Variants in ANKRD55 observed in about 807,000 individuals in gnomAD.
ANKRD55 encodes ankyrin repeat domain 55, also known as ankyrin repeat domain-containing protein 55.
ANKRD55 carries 41 observed loss-of-function variants against 60.6 expected under a neutral mutation model. The ratio of observed to expected loss-of-function variants is 0.68; its 90% CI spans 0.53 to 0.88. The LOEUF is 0.88. Ranked by LOEUF, ANKRD55 falls within the 40% of genes least tolerant of loss-of-function variation. The probability of loss-of-function intolerance (pLI) is 0.00; values close to 1 mark genes in which losing one functional copy is unlikely to be tolerated. For missense variants in ANKRD55, 732 were observed against 767.6 expected, an observed-to-expected ratio of 0.95 and a Z score of 0.55; for synonymous variants, 264 against 290.3, an observed-to-expected ratio of 0.91 and a Z score of 0.92.
chr5:56,205,485 G>A (rs573618765), intron 2 of ANKRD55, among the ~76,000 whole-genome samples: 11 of 152,330 alleles, frequency 7.2e-5, no homozygotes, highest in South Asian at 2.1e-4. Flanking sequence ...AAGCTAGTGC[G>A]CTCCTTATCA....
At chr5:56,232,109 G>T (rs1760272068) in intron 2 of ANKRD55, among the ~76,000 whole-genome samples, 1 of 152,090 alleles carries the variant, frequency 6.6e-6, no homozygotes, top group Non-Finnish European at 1.5e-5. Context: ...ACTAAAAAAA[G>T]ATTTACTATT....
intron 7 of ANKRD55, chr5:56,127,316 G>A: frequency 1.0e-6 from 1 of 985,356 alleles, no homozygotes; most frequent in Non-Finnish European, 1.2e-6. Flanking sequence ...TCACTGCAGA[G>A]ATTTTTGTCT....
intron 8 of ANKRD55, 62 bp from the exon 9 acceptor site, chr5:56,116,844 G>A: frequency 2.1e-6 from 3 of 1,434,734 alleles, no homozygotes; most frequent in Non-Finnish European, 2.8e-6. Flanking sequence ...AGGCTGCTTA[G>A]CCAGCAACAG....
intron 6 of ANKRD55, 39 bp from the exon 7 acceptor site, chr5:56,143,968 G>A (rs1229495406): frequency 7.4e-6 from 12 of 1,611,344 alleles, no homozygotes; most frequent in Non-Finnish European, 1.0e-5. Flanking sequence ...GATGAGCACA[G>A]GCTCCCAGGA....
chr5:56,217,038 G>C (rs1196549058), intron 2 of ANKRD55, among the ~76,000 whole-genome samples: 4 of 152,196 alleles, frequency 2.6e-5, no homozygotes, highest in African/African-American at 7.2e-5. Context: ...ATGCTTCAAA[G>C]GACTCTTGTT....
chr5:56,149,043 T>C (rs772273272), intron 6 of ANKRD55, among the ~76,000 whole-genome samples: 13 of 152,096 alleles, frequency 8.5e-5, no homozygotes, highest in Non-Finnish European at 1.3e-4. Flanking sequence ...AGATAAAAAA[T>C]TGGAATTAAT....
At chr5:56,106,599 T>G (rs184378) in intron 10 of ANKRD55, among the ~76,000 whole-genome samples, 32,436 of 151,800 alleles carry the variant, frequency 0.21, 3,992 homozygotes, top group Middle Eastern at 0.35. Flanking sequence ...AATTTTTGTA[T>G]TTTTGTATTT....
chr5:56,162,924 C>A (rs550831457), intron 5 of ANKRD55, among the ~76,000 whole-genome samples: 3 of 152,144 alleles, frequency 2.0e-5, no homozygotes, highest in African/African-American at 7.2e-5. Context: ...GATCCTCAGC[C>A]GCCCGAAGTG....
intron 6 of ANKRD55, among the ~76,000 whole-genome samples, chr5:56,159,598 T>A (rs553516745): frequency 1.3e-5 from 2 of 152,370 alleles, no homozygotes; most frequent in East Asian, 3.9e-4. Flanking sequence ...TGATAAATGC[T>A]GAAGTACTTA....
chr5:56,125,460 C>T (rs1757218340), intron 8 of ANKRD55, among the ~76,000 whole-genome samples: 1 of 151,694 alleles, frequency 6.6e-6, no homozygotes, highest in African/African-American at 2.4e-5. Flanking sequence ...TTTGTATTTT[C>T]AGTAAAGATG....
chr5:56,233,047 G>C, intron 1 of ANKRD55, 101 bp from the exon 2 acceptor site: 3 of 765,522 alleles, frequency 3.9e-6, no homozygotes, highest in Non-Finnish European at 6.7e-6. Context: ...ATGTGCATCA[G>C]AGCTGCAGGT....
chr5:56,107,586 T>C (rs1756522866), intron 10 of ANKRD55, among the ~76,000 whole-genome samples: 1 of 152,162 alleles, frequency 6.6e-6, no homozygotes, highest in Non-Finnish European at 1.5e-5. Flanking sequence ...AGACTCCTTG[T>C]TGATAGCTGT....
intron 2 of ANKRD55, among the ~76,000 whole-genome samples, chr5:56,204,009 T>A (rs546542080): frequency 1.3e-5 from 2 of 152,342 alleles, no homozygotes; most frequent in Admixed American, 1.3e-4. Flanking sequence ...TGTGTTTTTT[T>A]AATGATTGCT....
intron 6 of ANKRD55, among the ~76,000 whole-genome samples, chr5:56,158,579 G>A (rs1758252017): frequency 6.6e-6 from 1 of 152,178 alleles, no homozygotes; most frequent in African/African-American, 2.4e-5. Flanking sequence ...CTTTTTGGAA[G>A]CCTTCTACTT....
intron 10 of ANKRD55, among the ~76,000 whole-genome samples, chr5:56,109,882 G>A (rs1268002517): frequency 6.6e-6 from 1 of 152,040 alleles, no homozygotes; most frequent in African/African-American, 2.4e-5. Flanking sequence ...GCTGGGTGTG[G>A]TGGCATATGC....
intron 11 of ANKRD55, among the ~76,000 whole-genome samples, chr5:56,100,964 C>T (rs571569658): frequency 2.0e-5 from 3 of 152,274 alleles, no homozygotes; most frequent in South Asian, 2.1e-4. Context: ...CCATCCAAAA[C>T]GTTCACTTTA....
intron 2 of ANKRD55, among the ~76,000 whole-genome samples, chr5:56,213,552 A>G (rs1737124858): frequency 6.6e-6 from 1 of 152,166 alleles, no homozygotes; most frequent in African/African-American, 2.4e-5. Context: ...GATTTCCTCT[A>G]TCGAATAGTA....
At chr5:56,205,862 C>T (rs1310518490) in intron 2 of ANKRD55, among the ~76,000 whole-genome samples, 1 of 152,144 alleles carries the variant, frequency 6.6e-6, no homozygotes. Flanking sequence ...TTTGAGTTAT[C>T]CCTGACACCC....
intron 6 of ANKRD55, among the ~76,000 whole-genome samples, chr5:56,150,458 G>T (rs1758012921): frequency 6.7e-6 from 1 of 149,124 alleles, no homozygotes; most frequent in Non-Finnish European, 1.5e-5. Context: ...AAAAAAATTA[G>T]TTGGGTATGG....
Sources: allele counts gnomAD v4.1 joint callset (sites outside exome capture counted in the v4.1 genomes callset), GRCh38; gene constraint gnomAD v4.1.1; transcripts MANE v1.5; gene names NCBI Gene and HGNC (gene_info 2026-07-23, HGNC 2026-07-21).